The following LRRFIP2 variants were observed in gnomAD, a reference collection of about 807,000 sequenced individuals.
LRRFIP2 encodes the protein leucine-rich repeat flightless-interacting protein 2.
LRRFIP2 carries 109 observed loss-of-function variants against 125.9 expected under a neutral mutation model. The observed-to-expected ratio is 0.87, with a 90% CI of 0.74 to 1.01. The LOEUF (loss-of-function observed/expected upper bound fraction) is 1.01, where lower values mean the gene tolerates loss of function less well. Among genes scored for constraint, LRRFIP2 ranks in the 50% least tolerant of loss-of-function variants. The pLI, the probability that LRRFIP2 is intolerant of heterozygous loss-of-function variation, is 0.00. For missense variants in LRRFIP2, 850 were observed against 862.3 expected (o/e 0.99, Z 0.18); for synonymous variants, 291 against 293.1 (o/e 0.99, Z 0.07).
rs1471562660 is a variant in LRRFIP2, at chr3:37,054,415, C to T, written c.2051G>A (p.Arg684Gln). 5.6e-6 allele frequency: 9 copies of T among 1,610,748 alleles called. No individual in the cohort carries two copies. The highest frequency in any genetic ancestry group is 6.8e-6 in the Non-Finnish European group (8 of 1,177,414). ...GAAACATATTAAAAGAAGTACCTCT[C>T]GTTGTAGCTTCCGTTTTTCTGCTTT... ...ELKAEKRKLQ[R>Q]ELRTALDKIE... is the part of the protein sequence containing the mutation. The change falls in exon 27 of 28, where the codon CGA becomes CAA. Residue 684 changes from arginine (R) to glutamine (Q), a missense_variant. By Grantham distance (43) the Arg-to-Gln change is conservative. Transcript: ENST00000336686.
At chr3:37,055,228 G>A in intron 25 of LRRFIP2, 63 bp from the exon 26 acceptor site, 1 of 974,162 alleles carries the variant, frequency 1.0e-6, no homozygotes, top group South Asian at 1.6e-5. Context: ...GAGCCATCAG[G>A]CAGTACCTCT....
At chr3:37,083,450 A>G (rs551375782) in intron 19 of LRRFIP2, among the ~76,000 whole-genome samples, 186 bp downstream of exon 19, 12 of 152,296 alleles carry the variant, frequency 7.9e-5, no homozygotes, top group African/African-American at 2.6e-4. Context: ...CCTCAAGAAA[A>G]TATTTTTTTA....
At chr3:37,114,884 T>G (rs1415205825) in intron 7 of LRRFIP2, among the ~76,000 whole-genome samples, 170 bp downstream of exon 7, 1 of 152,024 alleles carries the variant, frequency 6.6e-6, no homozygotes, top group African/African-American at 2.4e-5. Context: ...AAGAAAAAAA[T>G]TACTATTCAT....
rs2086476264 is a variant in LRRFIP2, at chr3:37,055,244, A to G, written c.1871-79T>C. The G allele has an allele frequency of 1.4e-5, 11 of 794,840 alleles. No homozygotes were observed. In the South Asian group the frequency reaches 1.8e-4, roughly 13 times the overall value. 49.2% of individuals were successfully genotyped at this position (794,840 alleles called of 1,614,324 possible). On this transcript the variant is annotated intron_variant, in intron 25 of 27. Coordinates refer to ENST00000336686, the MANE Select transcript of LRRFIP2 (RefSeq NM_006309.4). The stretch of plus-strand genomic sequence containing the variant: ...AGCCATCAGGCAGTACCTCTGTGGC[A>G]CAGAGAGGACCATGCAGTCTTAAGA...
At chr3:37,110,930 G>A in intron 9 of LRRFIP2, 61 bp downstream of exon 9, 3 of 1,481,786 alleles carry the variant, frequency 2.0e-6, no homozygotes, top group Non-Finnish European at 2.8e-6. Flanking sequence ...TGCAAAATGG[G>A]GAGATTAGAA....
intron 2 of LRRFIP2, chr3:37,135,171 A>G: frequency 6.6e-6 from 7 of 1,063,340 alleles, no homozygotes; most frequent in Non-Finnish European, 8.3e-6. Flanking sequence ...TGTTTAAAAA[A>G]AAAAAAAGGC....
intron 9 of LRRFIP2, 86 bp downstream of exon 9, chr3:37,110,905 T>C: frequency 8.2e-7 from 1 of 1,222,828 alleles, no homozygotes; most frequent in Admixed American, 1.9e-5. Flanking sequence ...ACAGATTAGT[T>C]ACAGCTAGTC....
chr3:37,091,636 C>T, intron 17 of LRRFIP2, 98 bp from the exon 18 acceptor site: 1 of 792,208 alleles, frequency 1.3e-6, no homozygotes, highest in Non-Finnish European at 2.0e-6. Context: ...TTTGTATATT[C>T]CAGACTAAAA....
chr3:37,108,121 T>C lies in LRRFIP2; in HGVS notation c.666A>G (p.Glu222=). The C allele has an allele frequency of 6.2e-7, 1 of 1,613,546 alleles. No individual in the cohort carries two copies. Among genetic ancestry groups the C allele is most frequent in the Non-Finnish European group, 8.5e-7 (1 of 1,179,502 alleles). ...YNPYGPRTPS[E]CSYYSSRISS... ...TTATTCTTGATGAATAATAACTGCATTCAGATGGCTATAAAGTTTCCAAGA... is the reference window on the plus strand; with the variant it reads ...TTATTCTTGATGAATAATAACTGCACTCAGATGGCTATAAAGTTTCCAAGA... Residue 222 remains glutamate, a synonymous_variant, in exon 13 of 28, where the codon GAA becomes GAG. Transcript: ENST00000336686.
At chr3:37,085,584 A>AC (rs1435780769) in intron 18 of LRRFIP2, among the ~76,000 whole-genome samples, 1 of 126,702 alleles carries the variant, frequency 7.9e-6, no homozygotes, top group Non-Finnish European at 1.8e-5. Flanking sequence ...CAAATATAAA[A>AC]CTTTTTTTTT....
chr3:37,052,660 G>GAGTT lies in LRRFIP2; in HGVS notation c.*1187_*1190dup, dbSNP rs1178960593. The GAGTT allele has an allele frequency of 1.3e-5, 2 of 152,116 alleles. No homozygotes were observed. Among genetic ancestry groups the GAGTT allele is most frequent in the African/African-American group, 4.8e-5 (2 of 41,410 alleles). The allele number at this position is 152,116 out of a possible 1,614,324, so 9.4% of individuals were successfully genotyped here. On this transcript the variant is annotated 3_prime_UTR_variant, in exon 28 of 28. Transcript: ENST00000336686. ...AATATTAGAGATTTTATTCACTTTT[G>GAGTT]AGTTACCTTTTTAAAGTCTAGTTTT...
rs764458102 is a variant in LRRFIP2, at chr3:37,091,430, A to T, written c.1107+37T>A. ...GCCACCATTGCCAACACTTCTGCAT[A>T]CAGAGCATGCTTGGGCTGCAGAATG... On this transcript the variant is annotated intron_variant, in intron 18 of 27. Transcript: ENST00000336686. 7 of 1,544,040 alleles carry T rather than the reference A, an allele frequency of 4.5e-6. No homozygotes were observed. In the Admixed American group the frequency reaches 5.8e-5, roughly 13 times the overall value.
intron 2 of LRRFIP2, among the ~76,000 whole-genome samples, chr3:37,132,203 A>C (rs777024661): frequency 3.3e-5 from 5 of 152,172 alleles, no homozygotes; most frequent in Non-Finnish European, 7.4e-5. Context: ...TGTATTTTAA[A>C]ATCACAAAGC....
intron 18 of LRRFIP2, among the ~76,000 whole-genome samples, chr3:37,084,425 G>A (rs912984381): frequency 6.6e-6 from 1 of 152,106 alleles, no homozygotes; most frequent in African/African-American, 2.4e-5. Flanking sequence ...CACTTTGGGA[G>A]GCCAAGGGGG....
At chr3:37,105,013 A>G (rs987842571) in intron 14 of LRRFIP2, among the ~76,000 whole-genome samples, 7 of 152,118 alleles carry the variant, frequency 4.6e-5, no homozygotes, top group Non-Finnish European at 1.0e-4. Flanking sequence ...ACTGGATTAC[A>G]GGTCTTAACA....
rs749795793 is a variant in LRRFIP2, at chr3:37,111,069, C to CA, written c.439-5dup. ...TCTGGTCAAAGTAGAGGCCACTCTGCAAAAAGCAAAATTAAACACATTTTT... is the reference window on the plus strand; with the variant it reads ...TCTGGTCAAAGTAGAGGCCACTCTGCAAAAAAGCAAAATTAAACACATTTTT... On this transcript the variant is annotated splice_polypyrimidine_tract_variant and splice_region_variant and intron_variant, in intron 8 of 27. Coordinates refer to ENST00000336686, the MANE Select transcript of LRRFIP2 (RefSeq NM_006309.4). The CA allele has an allele frequency of 1.1e-5, 18 of 1,611,846 alleles. No homozygotes were observed. Among genetic ancestry groups the CA allele is most frequent in the Non-Finnish European group, 1.5e-5 (18 of 1,178,822 alleles).
intron 18 of LRRFIP2, among the ~76,000 whole-genome samples, chr3:37,088,588 A>G (rs1322558815): frequency 6.6e-6 from 1 of 151,500 alleles, no homozygotes; most frequent in Admixed American, 6.6e-5. Context: ...CAAGCGGGAG[A>G]ACTGCTTGAG....
intron 3 of LRRFIP2, among the ~76,000 whole-genome samples, chr3:37,128,493 G>T (rs1375012305): frequency 6.6e-6 from 1 of 151,992 alleles, no homozygotes; most frequent in Admixed American, 6.6e-5. Flanking sequence ...AGTATAGAAA[G>T]AAAGAAAAAC....
At chr3:37,096,884 A>G (rs905992762) in intron 15 of LRRFIP2, among the ~76,000 whole-genome samples, 2 of 152,172 alleles carry the variant, frequency 1.3e-5, no homozygotes, top group African/African-American at 2.4e-5. Context: ...TGTTTACTCA[A>G]AAGTTTAGAA....
Sources: gnomAD v4.1 joint callset for allele counts (sites outside exome capture counted in the v4.1 genomes callset) on GRCh38, gnomAD v4.1.1 for gene constraint, MANE v1.5 for transcripts, NCBI Gene and HGNC (gene_info 2026-07-23, HGNC 2026-07-21) for gene names.